The following PIK3C2G variants were observed in gnomAD, a reference collection of about 807,000 sequenced individuals.
PIK3C2G encodes phosphatidylinositol 3-kinase C2 domain-containing subunit gamma.
PIK3C2G carries 168 observed loss-of-function variants against 181.1 expected under a neutral mutation model. The observed-to-expected ratio is 0.93, with a 90% CI of 0.82 to 1.05. The LOEUF (loss-of-function observed/expected upper bound fraction) is 1.05. Among genes scored for constraint, PIK3C2G ranks in the 50% least tolerant of loss-of-function variants. PIK3C2G has a pLI of 0.00. For missense variants in PIK3C2G, 1,869 were observed against 1,732.8 expected (o/e 1.08, Z -1.40); for synonymous variants, 573 against 592.2 (o/e 0.97, Z 0.47).
upstream of PIK3C2G, among the ~76,000 whole-genome samples, chr12:18,257,396 G>C (rs528187066): frequency 3.6e-4 from 55 of 152,220 alleles, no homozygotes; most frequent in African/African-American, 1.3e-3. Context: ...CACAGTTGTG[G>C]GCTCTAGGCT....
At chr12:18,628,623 CT>C (rs1342919101) in intron 31 of PIK3C2G, among the ~76,000 whole-genome samples, 2 of 152,084 alleles carry the variant, frequency 1.3e-5, no homozygotes, top group Non-Finnish European at 2.9e-5. Context: ...GTTTTGCAAC[CT>C]GAAATAATAA....
At chr12:18,623,393 T>C (rs1039757441) in intron 31 of PIK3C2G, among the ~76,000 whole-genome samples, 2 of 151,802 alleles carry the variant, frequency 1.3e-5, no homozygotes, top group African/African-American at 4.8e-5. Context: ...TCCATTGGGT[T>C]GATATATTTA....
intron 31 of PIK3C2G, among the ~76,000 whole-genome samples, chr12:18,625,257 C>G (rs1160671686): frequency 1.3e-5 from 2 of 151,376 alleles, no homozygotes; most frequent in African/African-American, 4.8e-5. Flanking sequence ...TTTAATTTCC[C>G]TTTTAATTTC....
chr12:18,610,314 G>A (rs985323672), intron 31 of PIK3C2G, among the ~76,000 whole-genome samples: 5 of 152,088 alleles, frequency 3.3e-5, no homozygotes, highest in African/African-American at 1.2e-4. Flanking sequence ...ACTATATCAG[G>A]TGTGGAGAAA....
chr12:18,338,902 T>G (rs1938841863), intron 9 of PIK3C2G, among the ~76,000 whole-genome samples: 1 of 152,084 alleles, frequency 6.6e-6, no homozygotes, highest in Admixed American at 6.6e-5. Context: ...AATAATCACA[T>G]GTAAGTGTTT....
chr12:18,566,673 G>A (rs1945651324), intron 28 of PIK3C2G, among the ~76,000 whole-genome samples: 1 of 152,034 alleles, frequency 6.6e-6, no homozygotes, highest in Non-Finnish European at 1.5e-5. Flanking sequence ...AAGACAAAAT[G>A]TGTGGTCTGC....
chr12:18,490,232 C>A (rs1940431324), intron 19 of PIK3C2G, among the ~76,000 whole-genome samples: 1 of 152,042 alleles, frequency 6.6e-6, no homozygotes, highest in South Asian at 2.1e-4. Context: ...GGCTGTAATG[C>A]AACTTTTCTC....
chr12:18,642,667 T>C (rs999315587), intron 32 of PIK3C2G, among the ~76,000 whole-genome samples: 7 of 152,172 alleles, frequency 4.6e-5, no homozygotes, highest in African/African-American at 1.7e-4. Flanking sequence ...GTTTTTCTTC[T>C]AGTATATCAT....
the PIK3C2G span, among the ~76,000 whole-genome samples, chr12:18,689,820 T>G: frequency 6.6e-6 from 1 of 152,254 alleles, no homozygotes; most frequent in African/African-American, 2.4e-5. Flanking sequence ...CATCAAGAAC[T>G]TAAGAAAGCT....
intron 31 of PIK3C2G, among the ~76,000 whole-genome samples, chr12:18,627,011 A>G (rs1363405631): frequency 1.3e-5 from 2 of 151,100 alleles, no homozygotes; most frequent in Non-Finnish European, 3.0e-5. Flanking sequence ...CCTTTTACTC[A>G]TGGCTTGGGT....
the PIK3C2G span, chr12:18,688,186 A>T: frequency 1.9e-6 from 3 of 1,610,796 alleles, no homozygotes; most frequent in Non-Finnish European, 2.5e-6. Flanking sequence ...TAGATGATGA[A>T]TGAGTAAGAG....
intron 30 of PIK3C2G, among the ~76,000 whole-genome samples, chr12:18,605,454 C>G (rs1429229617): frequency 6.6e-6 from 1 of 152,064 alleles, no homozygotes. Context: ...ATCAGACGTT[C>G]AAAGAAGAAT....
intron 16 of PIK3C2G, among the ~76,000 whole-genome samples, chr12:18,413,087 T>C (rs961517655): frequency 6.6e-6 from 1 of 152,200 alleles, no homozygotes; most frequent in African/African-American, 2.4e-5. Flanking sequence ...CTTACAATCT[T>C]AGCCTTCATA....
the PIK3C2G span, chr12:18,684,099 G>A: frequency 6.2e-7 from 1 of 1,605,800 alleles, no homozygotes; most frequent in Non-Finnish European, 8.5e-7. Flanking sequence ...TTTAAATGCT[G>A]GTACAATCAT....
the PIK3C2G span, among the ~76,000 whole-genome samples, chr12:18,661,152 C>A: frequency 6.6e-6 from 1 of 151,990 alleles, no homozygotes. Context: ...AGAGCCTAAC[C>A]AACCTGTAGG....
rs1943582019 is a variant in PIK3C2G, at chr12:18,392,208, G to A, written c.2126+956G>A. On this transcript the variant is annotated intron_variant, in intron 15 of 32. Coordinates refer to ENST00000538779, the MANE Select transcript of PIK3C2G (RefSeq NM_001288772.2). ...GAAGACATAACTTGATGATTAATTAGAATTTTGGAGTAAGTCCCTTAAGAA... is the reference window on the plus strand; with the variant it reads ...GAAGACATAACTTGATGATTAATTAAAATTTTGGAGTAAGTCCCTTAAGAA... Among the ~76,000 whole-genome samples, 4 of 152,078 alleles carry A rather than the reference G, an allele frequency of 2.6e-5. No homozygotes were observed. The South Asian group carries it at 8.3e-4, about 31-fold the overall frequency.
At chr12:18,606,090 C>T (rs1252089898) in intron 30 of PIK3C2G, among the ~76,000 whole-genome samples, 3 of 152,102 alleles carry the variant, frequency 2.0e-5, no homozygotes, top group Admixed American at 2.0e-4. Context: ...GTGTCAATTC[C>T]TAGTGGTGTG....
chr12:18,618,692 T>C (rs1233550888), intron 31 of PIK3C2G, among the ~76,000 whole-genome samples: 1 of 152,154 alleles, frequency 6.6e-6, no homozygotes, highest in Non-Finnish European at 1.5e-5. Flanking sequence ...CTATAATAAC[T>C]ATCCTCCATG....
At chr12:18,650,295 CT>C (rs1950364277), downstream of PIK3C2G, among the ~76,000 whole-genome samples, 1 of 13,068 alleles carries the variant, frequency 7.7e-5, no homozygotes, top group African/African-American at 4.0e-4. Context: ...ACCCAAATTT[CT>C]CTCTCTCTCT....
Sources: allele counts gnomAD v4.1 joint callset (sites outside exome capture counted in the v4.1 genomes callset), GRCh38; gene constraint gnomAD v4.1.1; transcripts MANE v1.5; gene names NCBI Gene and HGNC (gene_info 2026-07-23, HGNC 2026-07-21).